The following MAP2K1 variants were observed in gnomAD, a reference collection of about 807,000 sequenced individuals.
MAP2K1 encodes the protein mitogen-activated protein kinase kinase 1.
In MAP2K1, 16 loss-of-function variants were observed where a neutral mutation model predicts 46.3. That is an observed-to-expected ratio of 0.35 (90% CI 0.23 to 0.52). The LOEUF is 0.52. Among genes scored for constraint, MAP2K1 ranks in the 20% least tolerant of loss-of-function variants. MAP2K1 has a pLI of 0.94. For missense variants in MAP2K1, 263 were observed against 497.1 expected, an observed-to-expected ratio of 0.53 and a Z score of 4.48; for synonymous variants, 183 against 185.6, an observed-to-expected ratio of 0.99 and a Z score of 0.11.
At chr15:66,437,105 G>A (rs1251743371) in intron 3 of MAP2K1, among the ~76,000 whole-genome samples, 1 of 152,170 alleles carries the variant, frequency 6.6e-6, no homozygotes, top group Non-Finnish European at 1.5e-5. Context: ...TGAAGGAAGT[G>A]GGCAGTATTC....
At chr15:66,389,068 G>A (rs992557732) in intron 1 of MAP2K1, among the ~76,000 whole-genome samples, 2 of 151,564 alleles carry the variant, frequency 1.3e-5, no homozygotes, top group Non-Finnish European at 1.5e-5. Context: ...CACCATGCCC[G>A]GCTAATTTTG....
Position 66,439,435 on chromosome 15 carries a change from C to T in MAP2K1, c.438+2543C>T, listed in dbSNP as rs2093497590. On this transcript the variant is annotated intron_variant, in intron 3 of 10. Coordinates refer to ENST00000307102, the MANE Select transcript of MAP2K1 (RefSeq NM_002755.4). ...TCACCTGAGTTCAGGAGTTCAAGAC[C>T]AGCCTGGCCAACATGGTGAAAACCC... Among the ~76,000 whole-genome samples, 3 of 152,114 alleles carry T rather than the reference C, an allele frequency of 2.0e-5. No homozygotes were observed. The South Asian group carries it at 6.2e-4, about 32-fold the overall frequency.
At chr15:66,422,035 T>C (rs928859493) in intron 1 of MAP2K1, among the ~76,000 whole-genome samples, 2 of 152,088 alleles carry the variant, frequency 1.3e-5, no homozygotes, top group Non-Finnish European at 2.9e-5. Flanking sequence ...GGTACAGTCA[T>C]TGCCCCAGAA....
chr15:66,458,674 G>A (rs1467835419), intron 5 of MAP2K1, among the ~76,000 whole-genome samples: 3 of 152,140 alleles, frequency 2.0e-5, no homozygotes, highest in Non-Finnish European at 2.9e-5. Flanking sequence ...GTGCTATCAT[G>A]CCTGACTAAT....
rs750657051 is a variant in MAP2K1, at chr15:66,487,305, T to C, written c.960+13T>C. 1 of 1,613,650 alleles carries C rather than the reference T, an allele frequency of 6.2e-7. No individual in the cohort carries two copies. Among genetic ancestry groups the C allele is most frequent in the Non-Finnish European group, 8.5e-7 (1 of 1,179,514 alleles). On this transcript the variant is annotated intron_variant, in intron 8 of 10. Transcript: ENST00000307102. ...CATAGTCAACGAGGTAAGTACTGCC[T>C]GGTTTCCTTCACCTTGGAATTTACT...
chr15:66,466,486 C>G (rs1892470273), intron 5 of MAP2K1, among the ~76,000 whole-genome samples: 1 of 151,864 alleles, frequency 6.6e-6, no homozygotes. Flanking sequence ...CAAGACCAGC[C>G]TGGCCAACAT....
chr15:66,397,501 T>C (rs576410739), intron 1 of MAP2K1, among the ~76,000 whole-genome samples: 1 of 152,294 alleles, frequency 6.6e-6, no homozygotes, highest in South Asian at 2.1e-4. Context: ...TTATGATCAC[T>C]GGAATGCTAT....
chr15:66,434,746 C>T (rs888713260), intron 1 of MAP2K1, among the ~76,000 whole-genome samples: 2 of 152,166 alleles, frequency 1.3e-5, no homozygotes, highest in African/African-American at 4.8e-5. Context: ...TCTTTTGTTC[C>T]TCTCATTGAC....
chr15:66,444,591 A>C, intron 4 of MAP2K1, 65 bp from the exon 5 acceptor site: 1 of 1,165,070 alleles, frequency 8.6e-7, no homozygotes, highest in Non-Finnish European at 1.3e-6. Context: ...AGAGTATTTT[A>C]AAATAGATTG....
chr15:66,440,873 A>G (rs985386903), intron 3 of MAP2K1, among the ~76,000 whole-genome samples: 6 of 152,268 alleles, frequency 3.9e-5, no homozygotes, highest in Admixed American at 6.5e-5. Context: ...TGCCCCTTAC[A>G]TTTTGTAATT....
intron 5 of MAP2K1, chr15:66,446,730 G>T: frequency 2.9e-6 from 1 of 345,270 alleles, no homozygotes; most frequent in South Asian, 2.6e-5. Flanking sequence ...ATTGGTTCCG[G>T]ATACCCTGCT....
chr15:66,402,029 A>G, intron 1 of MAP2K1: 1 of 1,323,382 alleles, frequency 7.6e-7, no homozygotes, highest in South Asian at 1.2e-5. Flanking sequence ...TGATCATTTT[A>G]AAGTATTTCT....
chr15:66,388,622 G>A (rs2093348829), intron 1 of MAP2K1, among the ~76,000 whole-genome samples: 1 of 152,094 alleles, frequency 6.6e-6, no homozygotes, highest in Admixed American at 6.6e-5. Context: ...GGACTCTAGC[G>A]ATCCTCCCAA....
At chr15:66,415,426 G>A (rs1345381007) in intron 1 of MAP2K1, among the ~76,000 whole-genome samples, 1 of 152,172 alleles carries the variant, frequency 6.6e-6, no homozygotes, top group African/African-American at 2.4e-5. Context: ...AAGCTGTCTA[G>A]TCCTCATCTT....
At chr15:66,399,525 C>T (rs1490507434) in intron 1 of MAP2K1, among the ~76,000 whole-genome samples, 1 of 150,290 alleles carries the variant, frequency 6.7e-6, no homozygotes, top group Non-Finnish European at 1.5e-5. Context: ...GATCGTGGCT[C>T]ACTGCAGCCT....
At chr15:66,431,840 G>GCT (rs1403183364) in intron 1 of MAP2K1, among the ~76,000 whole-genome samples, 1 of 152,068 alleles carries the variant, frequency 6.6e-6, no homozygotes, top group Non-Finnish European at 1.5e-5. Context: ...TCTTCCTGAT[G>GCT]CTCTCTCTCC....
At chr15:66,402,076 T>C in intron 1 of MAP2K1, 2 of 1,029,490 alleles carry the variant, frequency 1.9e-6, no homozygotes, top group South Asian at 1.3e-5. Flanking sequence ...TGAAGTTTTA[T>C]AAATGATGTG....
At chr15:66,476,055 C>A (rs191816596) in intron 5 of MAP2K1, among the ~76,000 whole-genome samples, 1 of 152,202 alleles carries the variant, frequency 6.6e-6, no homozygotes, top group Non-Finnish European at 1.5e-5. Context: ...AACATACTTT[C>A]TGAGTTTTTC....
intron 5 of MAP2K1, among the ~76,000 whole-genome samples, chr15:66,478,183 T>C (rs1892804289): frequency 6.6e-6 from 1 of 151,106 alleles, no homozygotes; most frequent in Non-Finnish European, 1.5e-5. Flanking sequence ...GGGCCGTTCC[T>C]TGCCACCCTG....
Sources: gnomAD v4.1 joint callset for allele counts (sites outside exome capture counted in the v4.1 genomes callset) on GRCh38, gnomAD v4.1.1 for gene constraint, MANE v1.5 for transcripts, NCBI Gene and HGNC (gene_info 2026-07-23, HGNC 2026-07-21) for gene names.